SPIRE1: variants seen among roughly 807,000 people sequenced by gnomAD.
SPIRE1 encodes spire type actin nucleation factor 1, also known as protein spire homolog 1.
Under a neutral mutation model 94.1 loss-of-function variants are expected in SPIRE1, and 40 were observed. That is an observed-to-expected ratio of 0.43 (90% confidence interval 0.33 to 0.55). The LOEUF is 0.55. Among genes scored for constraint, SPIRE1 ranks in the 20% least tolerant of loss-of-function variants. The pLI is 0.06. For missense variants in SPIRE1, 838 were observed against 975.2 expected (o/e 0.86, Z 1.87); for synonymous variants, 376 against 371.7 (o/e 1.01, Z -0.13).
chr18:12,484,326 T>G (rs979631866), intron 9 of SPIRE1, among the ~76,000 whole-genome samples: 4 of 152,276 alleles, frequency 2.6e-5, no homozygotes, highest in Admixed American at 1.3e-4. Context: ...GTGTTTATTT[T>G]CCAGACCAAA....
chr18:12,470,228 ATAATCTTATAC>A (rs2032297974), intron 10 of SPIRE1, among the ~76,000 whole-genome samples: 1 of 152,188 alleles, frequency 6.6e-6, no homozygotes, highest in African/African-American at 2.4e-5. Flanking sequence ...GATTACAGGC[ATAATCTTATAC>A]TGGCCACCAT....
Position 12,449,780 on chromosome 18 carries a change from G to A in SPIRE1, c.2129C>T (p.Ser710Leu), listed in dbSNP as rs757327564. 14 of 1,613,950 alleles carry A rather than the reference G, an allele frequency of 8.7e-6. No individual in the cohort carries two copies. The East Asian group carries it at 1.1e-4, about 13-fold the overall frequency. ...EVCVDCKKFI[S>L]EIISSSRRSL... is the part of the protein sequence containing the mutation. ...GCGCCGGCTTGAACTGATGATTTCC[G>A]AAATGAACTTCTTGCAGTCCACACA... Residue 710 changes from serine (S) to leucine (L), a missense_variant, in exon 17 of 17, where the codon TCG becomes TTG. Ser to Leu is a moderately radical substitution (Grantham distance 145). Around this residue, in one of 2 missense-constraint regions of SPIRE1, gnomAD observed 645 missense variants for 804.7 expected, o/e 0.80. Transcript: ENST00000409402.
chr18:12,654,640 G>A (rs953548174), intron 1 of SPIRE1, among the ~76,000 whole-genome samples: 5 of 151,730 alleles, frequency 3.3e-5, no homozygotes, highest in Non-Finnish European at 7.4e-5. Flanking sequence ...GGGCGACTGA[G>A]CGAGACTCCG....
intron 10 of SPIRE1, among the ~76,000 whole-genome samples, chr18:12,470,640 T>A (rs1273000414): frequency 6.6e-6 from 1 of 152,166 alleles, no homozygotes; most frequent in African/African-American, 2.4e-5. Flanking sequence ...TGTGCATATG[T>A]GTGGGTACAT....
rs2031006058 is a variant in SPIRE1 at position 12,447,643 on chromosome 18, G to A, written c.*1995C>T. The stretch of plus-strand genomic sequence containing the variant: ...ATGTATGTTCTGTGCTGTGGTAAGA[G>A]GTGATCGTAATGCCCAAATCATCCA... On this transcript the variant is annotated 3_prime_UTR_variant, in exon 17 of 17. Coordinates refer to ENST00000409402, the MANE Select transcript of SPIRE1 (RefSeq NM_001128626.2). 1 of 152,152 alleles carries A rather than the reference G, an allele frequency of 6.6e-6. No individual in the cohort carries two copies. Among genetic ancestry groups the A allele is most frequent in the African/African-American group, 2.4e-5 (1 of 41,440 alleles). The allele number at this position is 152,152 out of a possible 1,614,324, so 9.4% of individuals were successfully genotyped here.
At chr18:12,567,996 T>A (rs1171996306) in intron 2 of SPIRE1, among the ~76,000 whole-genome samples, 1 of 152,218 alleles carries the variant, frequency 6.6e-6, no homozygotes, top group Non-Finnish European at 1.5e-5. Context: ...CATGTCTGCC[T>A]TGCCTTTGGT....
At chr18:12,654,837 G>C (rs1379836593) in intron 1 of SPIRE1, among the ~76,000 whole-genome samples, 1 of 151,726 alleles carries the variant, frequency 6.6e-6, no homozygotes, top group Admixed American at 6.6e-5. Flanking sequence ...AGACCATCCT[G>C]GCCAACATGG....
chr18:12,523,858 A>T (rs11664974), intron 4 of SPIRE1, among the ~76,000 whole-genome samples: 2 of 152,120 alleles, frequency 1.3e-5, no homozygotes, highest in Admixed American at 6.6e-5. Context: ...TAATTTTTTT[A>T]AAAACTATTT....
chr18:12,614,845 TA>T (rs761309725), intron 2 of SPIRE1, among the ~76,000 whole-genome samples: 2 of 151,562 alleles, frequency 1.3e-5, no homozygotes, highest in Non-Finnish European at 2.9e-5. Flanking sequence ...AGAAACTAAA[TA>T]AAATCTCTGT....
chr18:12,461,587 A>ATGTATGTACATACATATGTATG (rs1598892650), intron 12 of SPIRE1, among the ~76,000 whole-genome samples: 2 of 147,406 alleles, frequency 1.4e-5, no homozygotes, highest in Non-Finnish European at 3.0e-5. Flanking sequence ...ACATATGTAT[A>ATGTATGTACATACATATGTATG]TACATACATA....
intron 2 of SPIRE1, among the ~76,000 whole-genome samples, chr18:12,603,359 C>T (rs1244735589): frequency 5.9e-5 from 9 of 152,136 alleles, no homozygotes; most frequent in Admixed American, 1.3e-4. Context: ...GTCTTCATCC[C>T]TATCTCCTGG....
At chr18:12,649,959 G>A (rs1437409865) in intron 1 of SPIRE1, among the ~76,000 whole-genome samples, 1 of 152,186 alleles carries the variant, frequency 6.6e-6, no homozygotes, top group Non-Finnish European at 1.5e-5. Context: ...GTGACAGTAG[G>A]TCAGGCTTGG....
intron 2 of SPIRE1, among the ~76,000 whole-genome samples, chr18:12,622,400 G>A (rs2037497387): frequency 6.7e-6 from 1 of 149,736 alleles, no homozygotes; most frequent in African/African-American, 2.4e-5. Context: ...CCCTTGAAGG[G>A]AAAACGGAGC....
Position 12,460,996 on chromosome 18 carries a change from G to A in SPIRE1, c.1638+2355C>T, listed in dbSNP as rs1186139188. ...CTCAATCTGACCACTGTTCAGTGCT[G>A]AGCAGAGCGGCTCTCCCACTGCCTG... On this transcript the variant is annotated intron_variant, in intron 12 of 16. Coordinates refer to ENST00000409402, the MANE Select transcript of SPIRE1 (RefSeq NM_001128626.2). Among the ~76,000 whole-genome samples the A allele has an allele frequency of 3.3e-5, 5 of 152,214 alleles. No homozygotes were observed. The East Asian group carries it at 9.7e-4, about 29-fold the overall frequency.
intron 3 of SPIRE1, among the ~76,000 whole-genome samples, chr18:12,546,278 C>T (rs930215280): frequency 5.3e-5 from 8 of 152,060 alleles, no homozygotes; most frequent in African/African-American, 1.7e-4. Context: ...CGTGAGCCAT[C>T]GCGCCCAGCC....
chr18:12,607,980 C>T (rs577747366), intron 2 of SPIRE1, among the ~76,000 whole-genome samples: 9 of 152,120 alleles, frequency 5.9e-5, no homozygotes, highest in Admixed American at 3.3e-4. Context: ...CACGGTGAAA[C>T]CCCGTCTCTA....
At chr18:12,579,186 T>TACACACAC (rs755425946) in intron 2 of SPIRE1, among the ~76,000 whole-genome samples, 1,539 of 108,506 alleles carry the variant, frequency 0.014, 10 homozygotes, top group East Asian at 0.026. Flanking sequence ...GGAAAAAGTT[T>TACACACAC]ACACACACAC....
At chr18:12,562,309 T>C (rs1302334774) in intron 2 of SPIRE1, among the ~76,000 whole-genome samples, 1 of 152,124 alleles carries the variant, frequency 6.6e-6, no homozygotes, top group Non-Finnish European at 1.5e-5. Context: ...TTCTGAGACA[T>C]GATCTCACTC....
chr18:12,558,002 A>G (rs771332640), intron 2 of SPIRE1, among the ~76,000 whole-genome samples: 4 of 152,194 alleles, frequency 2.6e-5, no homozygotes, highest in Non-Finnish European at 5.9e-5. Context: ...ACCCCTATCT[A>G]TCGCTATGTA....
Sources: allele counts gnomAD v4.1 joint callset (sites outside exome capture counted in the v4.1 genomes callset), GRCh38; gene constraint gnomAD v4.1.1; regional missense constraint gnomAD v4.1.1; transcripts MANE v1.5; gene names NCBI Gene and HGNC (gene_info 2026-07-23, HGNC 2026-07-21).